The following ECD variants were observed in gnomAD, a reference collection of about 807,000 sequenced individuals.
ECD encodes the protein ecdysoneless cell cycle regulator, also known as protein ecdysoneless homolog.
Under a neutral mutation model 77.2 loss-of-function variants are expected in ECD, and 59 were observed. That is an observed-to-expected ratio of 0.76 (90% confidence interval 0.62 to 0.95). The LOEUF (loss-of-function observed/expected upper bound fraction) is 0.95. Among genes scored for constraint, ECD ranks in the 40% least tolerant of loss-of-function variants. The pLI, the probability that ECD is intolerant of heterozygous loss-of-function variation, is 0.00. For synonymous variants in ECD, 233 were observed against 267.4 expected, an observed-to-expected ratio of 0.87 and a Z score of 1.26; for missense variants, 704 against 763.4, an observed-to-expected ratio of 0.92 and a Z score of 0.92.
At position 73,163,803 on chromosome 10, in the gene ECD, C is replaced by T; in HGVS notation, c.135G>A (p.Arg45=). 1 of 1,614,154 alleles carries T rather than the reference C, an allele frequency of 6.2e-7. No individual in the cohort carries two copies. Among genetic ancestry groups the T allele is most frequent in the Non-Finnish European group, 8.5e-7 (1 of 1,180,034 alleles). ...LQKYIERIIT[R]FAPMLVPYIW... is the part of the protein sequence containing the mutation. ...TGTAGGGGACCAGCATAGGTGCAAA[C>T]CGAGTGATTATTCTCTCAATGTACT... Residue 45 remains arginine, a synonymous_variant, in exon 2 of 14, where the codon CGG becomes CGA. Transcript: ENST00000372979.
intron 2 of ECD, among the ~76,000 whole-genome samples, chr10:73,162,402 C>G (rs1433533252): frequency 6.6e-6 from 1 of 152,132 alleles, no homozygotes; most frequent in Non-Finnish European, 1.5e-5. Context: ...GGGTGGATGG[C>G]AATGCCATTA....
chr10:73,146,243 ATCT>A, intron 9 of ECD, 30 bp downstream of exon 9: 1 of 1,208,600 alleles, frequency 8.3e-7, no homozygotes, highest in Non-Finnish European at 1.2e-6. Flanking sequence ...CTAAATACCA[ATCT>A]TTGTAGTAGG....
At chr10:73,157,700 C>A (rs1843314663) in intron 3 of ECD, among the ~76,000 whole-genome samples, 1 of 148,874 alleles carries the variant, frequency 6.7e-6, no homozygotes. Context: ...CCAGCCTGGG[C>A]AACAAGAGCG....
At position 73,153,553 on chromosome 10, in the gene ECD, A is replaced by G. The variant is rs541960920; in HGVS notation, c.783+703T>C. 3.3e-5 allele frequency among the ~76,000 whole-genome samples: 5 copies of G among 151,640 alleles called. No individual in the cohort carries two copies. The South Asian group carries it at 6.2e-4, about 19-fold the overall frequency. ...GGAGTTCGAGACCAGTCTGGCCAAC[A>G]TGGCGAAACACCATCTAAAAATAAA... On this transcript the variant is annotated intron_variant, in intron 6 of 13. Coordinates refer to ENST00000372979, the MANE Select transcript of ECD (RefSeq NM_007265.3).
intron 5 of ECD, among the ~76,000 whole-genome samples, chr10:73,155,635 G>A (rs1843286130): frequency 8.3e-6 from 1 of 120,598 alleles, no homozygotes. Context: ...GTTTCCTACT[G>A]TCGCCCAGGC....
intron 9 of ECD, among the ~76,000 whole-genome samples, chr10:73,145,140 G>A (rs573595185): frequency 6.6e-6 from 1 of 152,138 alleles, no homozygotes. Context: ...AAGGTGGGTG[G>A]ATCACCTGAG....
chr10:73,162,423 G>A (rs1248037196), intron 2 of ECD, among the ~76,000 whole-genome samples: 1 of 152,172 alleles, frequency 6.6e-6, no homozygotes, highest in Non-Finnish European at 1.5e-5. Flanking sequence ...AACAAGATAA[G>A]AAAACAGTAA....
rs200091640 is a variant in ECD, at chr10:73,136,942, G to C, written c.1490-24C>G. On this transcript the variant is annotated intron_variant, in intron 12 of 13. Transcript: ENST00000372979. ...CCCTACACAGATCCCAAGAAAGAAA[G>C]AGCCACTTAGTAATTATTATTATTA... The C allele has an allele frequency of 1.6e-4, 202 of 1,302,978 alleles. 1 individual carries two copies. In the African/African-American group the frequency reaches 2.9e-3, roughly 19 times the overall value. The allele number at this position is 1,302,978 out of a possible 1,614,324, so 80.7% of individuals were successfully genotyped here.
intron 9 of ECD, among the ~76,000 whole-genome samples, chr10:73,145,288 C>T (rs1009353058): frequency 2.6e-5 from 4 of 151,882 alleles, no homozygotes; most frequent in South Asian, 2.1e-4. Context: ...CACTTGAACC[C>T]GGGAGGCAGA....
chr10:73,137,513 C>G (rs12245304), intron 12 of ECD, among the ~76,000 whole-genome samples: 5 of 152,024 alleles, frequency 3.3e-5, no homozygotes, highest in African/African-American at 1.2e-4. Flanking sequence ...CGGTGGCTCA[C>G]GCCTGTAATC....
chr10:73,137,058 C>A, intron 12 of ECD, 140 bp from the exon 13 acceptor site: 1 of 376,938 alleles, frequency 2.7e-6, no homozygotes, highest in Non-Finnish European at 4.1e-6. Flanking sequence ...AGTCAGTCTA[C>A]TTCACAAAAA....
intron 11 of ECD, 40 bp downstream of exon 11, chr10:73,139,269 G>A (rs1432328199): frequency 6.5e-7 from 1 of 1,537,972 alleles, no homozygotes; most frequent in Non-Finnish European, 8.7e-7. Flanking sequence ...CAACATTTGG[G>A]TTCTAGCTAT....
chr10:73,164,823 C>T (rs1033340371), intron 1 of ECD, among the ~76,000 whole-genome samples: 2 of 152,084 alleles, frequency 1.3e-5, no homozygotes, highest in African/African-American at 2.4e-5. Flanking sequence ...TAAAAGGAAA[C>T]CTTGATATAA....
Position 73,163,854 on chromosome 10 carries a change from T to C in ECD, c.84A>G (p.Ser28=), listed in dbSNP as rs765739948. Residue 28 remains serine, a synonymous_variant, in exon 2 of 14, where the codon TCA becomes TCG. Coordinates refer to ENST00000372979, the MANE Select transcript of ECD (RefSeq NM_007265.3). ...LFLIPDESRD[S]DKHKEILQKY... ...TCTGAAGAATCTCTTTATGTTTATC[T>C]GAGTCCCTTGACTCATCTGGTATCA... is the stretch of plus-strand genomic sequence containing the variant. 2.5e-6 allele frequency: 4 copies of C among 1,614,106 alleles called. No homozygotes were observed. The highest frequency in any genetic ancestry group is 1.3e-5 in the African/African-American group (1 of 74,942).
chr10:73,135,238 C>G (rs757032830), intron 13 of ECD, among the ~76,000 whole-genome samples: 1 of 152,100 alleles, frequency 6.6e-6, no homozygotes, highest in African/African-American at 2.4e-5. Context: ...AGTGAAAAAG[C>G]TTAAAAGTAA....
Position 73,133,956 on chromosome 10 carries a change from T to C in ECD, c.*627A>G, listed in dbSNP as rs1842949686. On this transcript the variant is annotated 3_prime_UTR_variant, in exon 14 of 14. Transcript: ENST00000372979. Reference sequence around the variant, plus strand: ...TTAGTGAGTATGGGGTTTCTAATATTCTAGAATTAGATGGTAGGGATGGTT... The same window carrying C: ...TTAGTGAGTATGGGGTTTCTAATATCCTAGAATTAGATGGTAGGGATGGTT... The C allele has an allele frequency of 1.3e-5, 2 of 152,382 alleles. No homozygotes were observed. Among genetic ancestry groups the C allele is most frequent in the Non-Finnish European group, 2.9e-5 (2 of 68,248 alleles). 9.4% of individuals were successfully genotyped at this position (152,382 alleles called of 1,614,324 possible).
intron 3 of ECD, among the ~76,000 whole-genome samples, chr10:73,159,220 T>A (rs1200696033): frequency 6.6e-6 from 1 of 152,258 alleles, no homozygotes; most frequent in East Asian, 1.9e-4. Flanking sequence ...GGACAAAATA[T>A]AAGTGGGCGG....
chr10:73,144,055 G>A (rs983807642), intron 9 of ECD, among the ~76,000 whole-genome samples: 2 of 151,908 alleles, frequency 1.3e-5, no homozygotes, highest in Admixed American at 6.6e-5. Flanking sequence ...CCTATGAAGT[G>A]CAAGCCAGTC....
chr10:73,134,546 T>A lies in ECD; in HGVS notation c.*37A>T, dbSNP rs1435911529. On this transcript the variant is annotated 3_prime_UTR_variant, in exon 14 of 14. Transcript: ENST00000372979. ...AAATGAACAGAATCATATTCAATAT[T>A]TATTTAAAAAGAAAAAAGAGAAGCT... The A allele has an allele frequency of 6.5e-7, 1 of 1,530,310 alleles. No homozygotes were observed. The highest frequency in any genetic ancestry group is 9.0e-7 in the Non-Finnish European group (1 of 1,115,090). The allele number at this position is 1,530,310 out of a possible 1,614,324, so 94.8% of individuals were successfully genotyped here. A position where few individuals can be genotyped will look rare whatever the true frequency, so the allele number is the denominator to read the frequency against.
Sources: allele counts gnomAD v4.1 joint callset (sites outside exome capture counted in the v4.1 genomes callset), GRCh38; gene constraint gnomAD v4.1.1; transcripts MANE v1.5; gene names NCBI Gene and HGNC (gene_info 2026-07-23, HGNC 2026-07-21).